PALM2AKAP2: variants seen among roughly 807,000 people sequenced by gnomAD.
PALM2AKAP2 encodes PALM2 and AKAP2 fusion, also known as PALM2-AKAP2 fusion protein.
Under a neutral mutation model 71.5 loss-of-function variants are expected in PALM2AKAP2, and 37 were observed. The ratio of observed to expected loss-of-function variants is 0.52; its 90% CI spans 0.40 to 0.68. PALM2AKAP2 has a LOEUF of 0.68. Among genes scored for constraint, PALM2AKAP2 ranks in the 30% least tolerant of loss-of-function variants. The pLI, the probability that PALM2AKAP2 is intolerant of heterozygous loss-of-function variation, is 0.00. For missense variants in PALM2AKAP2, 1,224 were observed against 1,191.8 expected (o/e 1.03, Z -0.40); for synonymous variants, 468 against 478.8 (o/e 0.98, Z 0.29).
chr9:109,926,450 G>T (rs1157708358), intron 5 of PALM2AKAP2, among the ~76,000 whole-genome samples: 2 of 152,146 alleles, frequency 1.3e-5, no homozygotes, highest in Non-Finnish European at 2.9e-5. Context: ...AAGTCTCTAT[G>T]GTGTGACCAA....
intron 1 of PALM2AKAP2, among the ~76,000 whole-genome samples, chr9:110,060,420 C>T (rs1406991930): frequency 1.3e-5 from 2 of 151,956 alleles, no homozygotes; most frequent in Non-Finnish European, 2.9e-5. Context: ...TCTTTGGGGT[C>T]CTTGGATAGT....
At chr9:110,078,014 A>C (rs1214861583) in intron 1 of PALM2AKAP2, among the ~76,000 whole-genome samples, 4 of 114,162 alleles carry the variant, frequency 3.5e-5, no homozygotes, top group Admixed American at 8.3e-5. Context: ...ACTCAGTCTC[A>C]AAAAAAAAAA....
chr9:109,947,371 C>G (rs1831533386), intron 6 of PALM2AKAP2, among the ~76,000 whole-genome samples: 1 of 152,190 alleles, frequency 6.6e-6, no homozygotes, highest in South Asian at 2.1e-4. Context: ...ACAATATCAT[C>G]TCTGGAGCAA....
At chr9:109,918,063 C>T (rs1830736697) in intron 3 of PALM2AKAP2, among the ~76,000 whole-genome samples, 1 of 152,170 alleles carries the variant, frequency 6.6e-6, no homozygotes, top group Admixed American at 6.5e-5. Flanking sequence ...GTTCTTTCCT[C>T]TATTATTGCT....
At chr9:109,990,911 A>G (rs545982043) in intron 6 of PALM2AKAP2, among the ~76,000 whole-genome samples, 1 of 152,314 alleles carries the variant, frequency 6.6e-6, no homozygotes, top group Admixed American at 6.5e-5. Context: ...GCATTTTCCA[A>G]ATTTCCTTTT....
rs148669909 is a variant in PALM2AKAP2, at chr9:110,137,440, G to A, written c.1470G>A (p.Ser490=). Reference sequence around the variant, plus strand: ...CCCCCGGTGCCCTGGAGACCCCATCGGCAGCAGGAAGCCAGGGCAACACAG... The same window carrying A: ...CCCCCGGTGCCCTGGAGACCCCATCAGCAGCAGGAAGCCAGGGCAACACAG... The change falls in exon 2 of 4, where the codon TCG becomes TCA. Residue 490 remains serine (S), a synonymous_variant. Coordinates refer to ENST00000374525, the Ensembl canonical transcript of PALM2AKAP2. 2.1e-5 allele frequency: 34 copies of A among 1,613,954 alleles called. No homozygotes were observed. The African/African-American group carries it at 3.1e-4, about 15-fold the overall frequency.
chr9:109,666,002 C>T (rs1027405358), intron 1 of PALM2AKAP2, among the ~76,000 whole-genome samples: 1 of 152,214 alleles, frequency 6.6e-6, no homozygotes, highest in African/African-American at 2.4e-5. Context: ...CAGCCAGGTA[C>T]GGGAGAGAAT....
chr9:110,002,994 A>G (rs979033917), intron 6 of PALM2AKAP2, among the ~76,000 whole-genome samples: 2 of 152,102 alleles, frequency 1.3e-5, no homozygotes, highest in East Asian at 1.9e-4. Flanking sequence ...TCCCGGATTC[A>G]TTGATTTTTT....
At chr9:109,821,351 C>A (rs886246247) in intron 1 of PALM2AKAP2, among the ~76,000 whole-genome samples, 3 of 152,182 alleles carry the variant, frequency 2.0e-5, no homozygotes, top group Non-Finnish European at 2.9e-5. Context: ...ACAACAACAA[C>A]AACAAAATAA....
intron 1 of PALM2AKAP2, among the ~76,000 whole-genome samples, chr9:110,053,761 T>C (rs1833768843): frequency 6.6e-6 from 1 of 151,654 alleles, no homozygotes; most frequent in South Asian, 2.1e-4. Context: ...GTTTGAGGGG[T>C]TGGGTTTTTT....
chr9:110,094,200 C>T (rs1383308892), intron 1 of PALM2AKAP2, among the ~76,000 whole-genome samples: 1 of 152,176 alleles, frequency 6.6e-6, no homozygotes, highest in East Asian at 1.9e-4. Flanking sequence ...GGCTGAGGCC[C>T]ATGTGTGTGA....
At chr9:109,975,223 C>A (rs1438506754) in intron 6 of PALM2AKAP2, among the ~76,000 whole-genome samples, 1 of 152,118 alleles carries the variant, frequency 6.6e-6, no homozygotes. Flanking sequence ...AGCTGGAGGC[C>A]CAGGAAAGCC....
chr9:109,964,342 G>C (rs1831905201), intron 6 of PALM2AKAP2, among the ~76,000 whole-genome samples: 1 of 152,150 alleles, frequency 6.6e-6, no homozygotes, highest in Non-Finnish European at 1.5e-5. Flanking sequence ...GAAGGTTTTT[G>C]ATCAGGGCAG....
At chr9:109,707,511 G>A (rs1260937488) in intron 1 of PALM2AKAP2, among the ~76,000 whole-genome samples, 2 of 152,140 alleles carry the variant, frequency 1.3e-5, no homozygotes, top group Non-Finnish European at 2.9e-5. Flanking sequence ...GACAGCGTCC[G>A]TGTCCAGTGC....
At chr9:109,644,731 T>C (rs763957376) in intron 1 of PALM2AKAP2, among the ~76,000 whole-genome samples, 48 of 151,910 alleles carry the variant, frequency 3.2e-4, no homozygotes, top group Non-Finnish European at 5.3e-4. Context: ...ATGCCCTAAA[T>C]CATCTCTCTC....
intron 1 of PALM2AKAP2, among the ~76,000 whole-genome samples, chr9:109,667,932 T>TAAAGTAATTGAGCTACATA (rs1587860398): frequency 2.5e-5 from 2 of 81,204 alleles, no homozygotes; most frequent in Non-Finnish European, 5.0e-5. Flanking sequence ...GCTTTGGTTT[T>TAAAGTAATTGAGCTACATA]TTTTTTTTTT....
intron 1 of PALM2AKAP2, among the ~76,000 whole-genome samples, chr9:110,056,807 C>T (rs1045420136): frequency 6.6e-6 from 1 of 152,098 alleles, no homozygotes; most frequent in Non-Finnish European, 1.5e-5. Context: ...GAGTGGGAGG[C>T]ATTGCTTTTG....
chr9:109,894,709 T>C (rs972689213), intron 3 of PALM2AKAP2, among the ~76,000 whole-genome samples: 11 of 152,176 alleles, frequency 7.2e-5, no homozygotes, highest in African/African-American at 2.2e-4. Context: ...TCCATGACCA[T>C]AAAATCTTGA....
chr9:110,072,218 GAA>G (rs1191320636), intron 1 of PALM2AKAP2, among the ~76,000 whole-genome samples: 1 of 152,182 alleles, frequency 6.6e-6, no homozygotes. Context: ...AAGTGGAAGA[GAA>G]AATGAGAAAT....
Sources: allele counts gnomAD v4.1 joint callset (sites outside exome capture counted in the v4.1 genomes callset), GRCh38; gene constraint gnomAD v4.1.1; transcripts MANE v1.5; gene names NCBI Gene and HGNC (gene_info 2026-07-23, HGNC 2026-07-21).